The following GOT1 variants were observed in gnomAD, a reference collection of about 807,000 sequenced individuals.
The protein encoded by GOT1 is glutamic-oxaloacetic transaminase 1.
In GOT1, 25 loss-of-function variants were observed where a neutral mutation model predicts 48.2. The ratio of observed to expected loss-of-function variants is 0.52; its 90% CI spans 0.38 to 0.72. GOT1 has a LOEUF of 0.72. Among genes scored for constraint, GOT1 ranks in the 30% least tolerant of loss-of-function variants. The pLI, the probability that GOT1 is intolerant of heterozygous loss-of-function variation, is 0.00. For synonymous variants in GOT1, 188 were observed against 193.8 expected (o/e 0.97, Z 0.25); for missense variants, 380 against 520.1 (o/e 0.73, Z 2.62).
intron 1 of GOT1, among the ~76,000 whole-genome samples, chr10:99,428,346 G>T (rs2033067061): frequency 6.6e-6 from 1 of 150,546 alleles, no homozygotes; most frequent in Non-Finnish European, 1.5e-5. Flanking sequence ...ATCTGACGTG[G>T]TTTTTTGTTT....
rs1415752890 is a variant in GOT1 at position 99,417,487 on chromosome 10, G to A, written c.300+3137C>T. On this transcript the variant is annotated intron_variant, in intron 2 of 8. Transcript: ENST00000370508. ...ACACTTTTACACTGTTGGTGGGACT[G>A]TAAACTAGTTCAACCGTTGTGGAAG... Among the ~76,000 whole-genome samples the A allele has an allele frequency of 2.0e-5, 3 of 152,346 alleles. No homozygotes were observed. In the East Asian group the frequency reaches 5.8e-4, roughly 29 times the overall value.
intron 4 of GOT1, 38 bp downstream of exon 4, chr10:99,406,099 A>G: frequency 7.4e-7 from 1 of 1,349,008 alleles, no homozygotes; most frequent in Non-Finnish European, 1.1e-6. Flanking sequence ...GATTCCTGAC[A>G]CCATGCAATT....
chr10:99,428,396 T>C (rs916565274), intron 1 of GOT1, among the ~76,000 whole-genome samples: 4 of 152,138 alleles, frequency 2.6e-5, no homozygotes, highest in Non-Finnish European at 5.9e-5. Flanking sequence ...CTCACTCTGT[T>C]ACCCAGGCTG....
intron 2 of GOT1, among the ~76,000 whole-genome samples, chr10:99,411,742 A>C (rs1032931221): frequency 2.6e-5 from 4 of 152,222 alleles, no homozygotes; most frequent in African/African-American, 9.6e-5. Flanking sequence ...GTGCTCCAGC[A>C]TCTAGAACAG....
At chr10:99,405,525 A>ACACG (rs987163932) in intron 5 of GOT1, among the ~76,000 whole-genome samples, 5 of 145,268 alleles carry the variant, frequency 3.4e-5, no homozygotes, top group African/African-American at 1.3e-4. Flanking sequence ...AACTAGACAC[A>ACACG]CACACACACA....
intron 2 of GOT1, among the ~76,000 whole-genome samples, chr10:99,418,051 TAAA>T (rs11325628): frequency 9.1e-5 from 13 of 142,912 alleles, no homozygotes; most frequent in South Asian, 2.2e-4. Flanking sequence ...AAAGTATAAT[TAAA>T]AAAAAAAATA....
chr10:99,425,517 G>A (rs745947552), intron 1 of GOT1, among the ~76,000 whole-genome samples: 52 of 152,328 alleles, frequency 3.4e-4, no homozygotes, highest in Non-Finnish European at 5.7e-4. Context: ...GAAAGCTACT[G>A]CAATATTCCA....
intron 3 of GOT1, 47 bp from the exon 4 acceptor site, chr10:99,406,296 G>T: frequency 7.5e-7 from 1 of 1,334,532 alleles, no homozygotes; most frequent in South Asian, 1.2e-5. Flanking sequence ...AACACTAGGA[G>T]GCATGAGTGG....
intron 2 of GOT1, among the ~76,000 whole-genome samples, chr10:99,415,592 T>C (rs1015312032): frequency 6.6e-6 from 1 of 152,220 alleles, no homozygotes; most frequent in Non-Finnish European, 1.5e-5. Flanking sequence ...ACTCATTTTA[T>C]GAGGCCAGCA....
chr10:99,414,739 G>C (rs1164466038), intron 2 of GOT1, among the ~76,000 whole-genome samples: 15 of 152,078 alleles, frequency 9.9e-5, no homozygotes, highest in Admixed American at 5.9e-4. Flanking sequence ...ATAACAAACT[G>C]TCTCTCAGAC....
rs961291957 is a variant in GOT1 at position 99,428,949 on chromosome 10, A to G, written c.118+1499T>C. 2.6e-5 allele frequency among the ~76,000 whole-genome samples: 4 copies of G among 152,316 alleles called. No homozygotes were observed. The East Asian group carries it at 5.8e-4, about 22-fold the overall frequency. ...AAAAGCTGAGAGAATAATATAACGTATGCCCATGTACCCATCATCCAGCTT... is the reference window on the plus strand; with the variant it reads ...AAAAGCTGAGAGAATAATATAACGTGTGCCCATGTACCCATCATCCAGCTT... On this transcript the variant is annotated intron_variant, in intron 1 of 8. Coordinates refer to ENST00000370508, the MANE Select transcript of GOT1 (RefSeq NM_002079.3).
chr10:99,405,520 GACACACACACAC>G (rs138777645), intron 5 of GOT1, among the ~76,000 whole-genome samples: 282 of 143,592 alleles, frequency 2.0e-3, no homozygotes, highest in East Asian at 0.015. Context: ...CATAAAACTA[GACACACACACAC>G]ACACACACAC....
intron 1 of GOT1, among the ~76,000 whole-genome samples, chr10:99,428,361 T>TC (rs2033067943): frequency 6.6e-6 from 1 of 152,054 alleles, no homozygotes; most frequent in African/African-American, 2.4e-5. Flanking sequence ...TTGTTTTTTT[T>TC]TTTCTTTCTT....
chr10:99,416,278 A>G lies in GOT1; in HGVS notation c.300+4346T>C, dbSNP rs894302816. On this transcript the variant is annotated intron_variant, in intron 2 of 8. Transcript: ENST00000370508. Reference sequence around the variant, plus strand: ...ACAAAATCAATGTGCAAAAATCACAAGCATTCTTATACACCAATAACAGAC... The same window carrying G: ...ACAAAATCAATGTGCAAAAATCACAGGCATTCTTATACACCAATAACAGAC... 2.0e-5 allele frequency among the ~76,000 whole-genome samples: 3 copies of G among 152,184 alleles called. No homozygotes were observed. In the South Asian group the frequency reaches 6.2e-4, roughly 31 times the overall value.
At position 99,403,563 on chromosome 10, in the gene GOT1, C is replaced by A; in HGVS notation, c.865G>T (p.Glu289Ter). 6.2e-7 allele frequency: 1 copy of A among 1,614,146 alleles called. No homozygotes were observed. Among genetic ancestry groups the A allele is most frequent in the South Asian group, 1.1e-5 (1 of 91,086 alleles). The change falls in exon 7 of 9, where the codon GAG (glutamate) becomes TAG (stop). Residue 289 changes from glutamate to a stop codon, truncating the protein, a stop_gained. Transcript: ENST00000370508. LOFTEE classifies it high-confidence loss of function. Reference protein sequence around the residue: ...ESILQVLSQMEKIVRITWSNP... With the variant: ...ESILQVLSQM ...GACCAAGTAATCCGCACGATCTTCTCCATCTGGGAAAGGACTTGCAGGATG... is the reference window on the plus strand; with the variant it reads ...GACCAAGTAATCCGCACGATCTTCTACATCTGGGAAAGGACTTGCAGGATG...
In GOT1 at chr10:99,415,843, CAT is replaced by C. The variant is rs1480067919; in HGVS notation, c.300+4779_300+4780del. Among the ~76,000 whole-genome samples, 5 of 152,268 alleles carry C rather than the reference CAT, an allele frequency of 3.3e-5. No homozygotes were observed. In the East Asian group the frequency reaches 9.7e-4, roughly 29 times the overall value. On this transcript the variant is annotated intron_variant, in intron 2 of 8. Coordinates refer to ENST00000370508, the MANE Select transcript of GOT1 (RefSeq NM_002079.3). ...TAAACAGAACCAAAGCCAAAAACCA[CAT>C]GATTATCTCAATAGATGCAGAAAAG... is the stretch of plus-strand genomic sequence containing the variant.
At chr10:99,406,976 A>C in intron 2 of GOT1, 127 bp from the exon 3 acceptor site, 21 of 820,796 alleles carry the variant, frequency 2.6e-5, no homozygotes, top group Middle Eastern at 2.4e-4. Flanking sequence ...GTATTATCTC[A>C]TCAAAACCTT....
chr10:99,427,565 G>C (rs1386368293), intron 1 of GOT1, among the ~76,000 whole-genome samples: 1 of 152,182 alleles, frequency 6.6e-6, no homozygotes, highest in African/African-American at 2.4e-5. Context: ...CACCATGCCT[G>C]GCCCAGTAGA....
Position 99,397,724 on chromosome 10 carries a change from G to A in GOT1, c.1103-38C>T. The A allele has an allele frequency of 6.2e-7, 1 of 1,605,960 alleles. No homozygotes were observed. ...AAAAGAAGACATAATCAGAGCAGAG[G>A]GGATCCTTAAAGCAGTGGAGGCTCA... On this transcript the variant is annotated intron_variant, in intron 8 of 8. Coordinates refer to ENST00000370508, the MANE Select transcript of GOT1 (RefSeq NM_002079.3). The surrounding 1 kb of genome is among the most constrained non-coding windows in gnomAD (Gnocchi z 5.4).
Sources: allele counts gnomAD v4.1 joint callset (sites outside exome capture counted in the v4.1 genomes callset), GRCh38; gene constraint gnomAD v4.1.1; non-coding constraint Gnocchi (gnomAD v3.1); transcripts MANE v1.5; gene names NCBI Gene and HGNC (gene_info 2026-07-23, HGNC 2026-07-21).